The following ADK variants were observed in gnomAD, a reference collection of about 807,000 sequenced individuals.
ADK encodes the protein adenosine kinase.
Under a neutral mutation model 44.7 loss-of-function variants are expected in ADK, and 24 were observed. That is an observed-to-expected ratio of 0.54 (90% CI 0.39 to 0.76). The LOEUF (loss-of-function observed/expected upper bound fraction) is 0.76, where lower values mean the gene tolerates loss of function less well. Ranked by LOEUF, ADK falls within the 30% of genes least tolerant of loss-of-function variation. The pLI is 0.00. For synonymous variants in ADK, 128 were observed against 142.6 expected, an observed-to-expected ratio of 0.90 and a Z score of 0.73; for missense variants, 321 against 425.1, an observed-to-expected ratio of 0.76 and a Z score of 2.15.
intron 10 of ADK, among the ~76,000 whole-genome samples, chr10:74,673,426 A>G (rs1308074685): frequency 6.6e-6 from 1 of 152,258 alleles, no homozygotes; most frequent in African/African-American, 2.4e-5. Flanking sequence ...CTTTGGTGCC[A>G]GCAGGAGCGA....
At chr10:74,212,949 A>G (rs1000302441) in intron 2 of ADK, among the ~76,000 whole-genome samples, 6 of 152,188 alleles carry the variant, frequency 3.9e-5, no homozygotes, top group African/African-American at 7.2e-5. Flanking sequence ...TGATGGTGGT[A>G]TTTACAAATG....
Position 74,529,138 on chromosome 10 carries a change from A to C in ADK, c.726+3712A>C, listed in dbSNP as rs568246863. On this transcript the variant is annotated intron_variant, in intron 7 of 10. Coordinates refer to ENST00000539909, the MANE Select transcript of ADK (RefSeq NM_006721.4). Reference sequence around the variant, plus strand: ...ATATTCATCAACAGATGAATAAACAAAATTTCATGTATATATACAATGGAG... The same window carrying C: ...ATATTCATCAACAGATGAATAAACACAATTTCATGTATATATACAATGGAG... Among the ~76,000 whole-genome samples, 10 of 152,318 alleles carry C rather than the reference A, an allele frequency of 6.6e-5. No individual in the cohort carries two copies. The East Asian group carries it at 1.9e-3, about 29-fold the overall frequency.
At chr10:74,314,321 T>G (rs1840545531) in intron 3 of ADK, among the ~76,000 whole-genome samples, 1 of 152,088 alleles carries the variant, frequency 6.6e-6, no homozygotes, top group African/African-American at 2.4e-5. Flanking sequence ...TAGTAACAAG[T>G]GATTCTGAGA....
intron 6 of ADK, among the ~76,000 whole-genome samples, chr10:74,446,323 A>T (rs769349571): frequency 2.0e-5 from 3 of 152,102 alleles, no homozygotes; most frequent in Non-Finnish European, 4.4e-5. Context: ...TTGGATTTCC[A>T]AGAGGGAGAT....
chr10:74,469,872 G>C lies in ADK; in HGVS notation c.556-55384G>C, dbSNP rs553093651. 5.1e-4 allele frequency among the ~76,000 whole-genome samples: 77 copies of C among 152,158 alleles called. No homozygotes were observed. The South Asian group carries it at 6.2e-3, about 12-fold the overall frequency. On this transcript the variant is annotated intron_variant, in intron 6 of 10. Transcript: ENST00000539909. ...CTATTTTAGATATTTCATGTAAGTA[G>C]GATCATGGTTTATGGCTGGCTTTTT...
intron 4 of ADK, chr10:74,372,333 G>T (rs1196299840): frequency 1.3e-6 from 1 of 750,760 alleles, no homozygotes; most frequent in East Asian, 2.5e-5. Flanking sequence ...AGACTGGAGT[G>T]CTGAGCCTGC....
chr10:74,323,862 T>A (rs546875739), intron 4 of ADK, among the ~76,000 whole-genome samples: 52 of 151,792 alleles, frequency 3.4e-4, no homozygotes, highest in African/African-American at 1.1e-3. Context: ...GAGCCACCGC[T>A]CCCGGCCCCA....
At chr10:74,664,854 G>T (rs1229552616) in intron 9 of ADK, among the ~76,000 whole-genome samples, 1 of 152,028 alleles carries the variant, frequency 6.6e-6, no homozygotes, top group Non-Finnish European at 1.5e-5. Flanking sequence ...AGAAAAAAAA[G>T]TAATATGTGA....
chr10:74,215,872 G>A (rs1843994295), intron 2 of ADK, among the ~76,000 whole-genome samples: 1 of 150,420 alleles, frequency 6.6e-6, no homozygotes, highest in Non-Finnish European at 1.5e-5. Flanking sequence ...TAACCAGGAT[G>A]GTCTCGATCT....
chr10:74,513,685 G>T (rs1478751422), intron 6 of ADK, among the ~76,000 whole-genome samples: 1 of 151,986 alleles, frequency 6.6e-6, no homozygotes, highest in Non-Finnish European at 1.5e-5. Context: ...AATCCATTCA[G>T]CTAGTATGTA....
chr10:74,288,383 C>T (rs890854427), intron 3 of ADK, among the ~76,000 whole-genome samples: 4 of 152,136 alleles, frequency 2.6e-5, no homozygotes, highest in Admixed American at 2.6e-4. Flanking sequence ...AGCGCAGTGG[C>T]TCATGCCTGT....
chr10:74,673,518 G>A (rs1855260086), intron 10 of ADK, among the ~76,000 whole-genome samples: 1 of 152,146 alleles, frequency 6.6e-6, no homozygotes. Flanking sequence ...AGCGCTTTTG[G>A]GCACTGGTAA....
intron 10 of ADK, among the ~76,000 whole-genome samples, chr10:74,674,707 C>T (rs1855318894): frequency 6.6e-6 from 1 of 152,128 alleles, no homozygotes; most frequent in Admixed American, 6.5e-5. Flanking sequence ...CATGGTGAAA[C>T]CCCATCTCTA....
At chr10:74,681,882 G>C (rs2134235825) in intron 10 of ADK, among the ~76,000 whole-genome samples, 1 of 150,932 alleles carries the variant, frequency 6.6e-6, no homozygotes, top group African/African-American at 2.4e-5. Context: ...TGTCAGTTAA[G>C]CTGTCTGTTA....
At chr10:74,256,629 A>G (rs921115561) in intron 3 of ADK, among the ~76,000 whole-genome samples, 1 of 152,184 alleles carries the variant, frequency 6.6e-6, no homozygotes, top group Non-Finnish European at 1.5e-5. Flanking sequence ...TCCATTTACC[A>G]TGATAACTGG....
At chr10:74,370,309 A>T (rs927449182) in intron 4 of ADK, among the ~76,000 whole-genome samples, 4 of 152,198 alleles carry the variant, frequency 2.6e-5, no homozygotes, top group Admixed American at 6.5e-5. Context: ...AACTAAAGGA[A>T]TTTATGTTCA....
chr10:74,170,538 C>T (rs575763802), intron 1 of ADK, among the ~76,000 whole-genome samples: 15 of 152,158 alleles, frequency 9.9e-5, no homozygotes, highest in African/African-American at 3.6e-4. Context: ...GTGGCTCACG[C>T]CTGTAATCCT....
chr10:74,478,033 T>C (rs1846923329), intron 6 of ADK, among the ~76,000 whole-genome samples: 1 of 152,190 alleles, frequency 6.6e-6, no homozygotes, highest in East Asian at 1.9e-4. Flanking sequence ...CTATCTTTCC[T>C]TGAGGAGGTA....
chr10:74,225,028 G>T (rs879838190), intron 3 of ADK, among the ~76,000 whole-genome samples: 2 of 152,202 alleles, frequency 1.3e-5, no homozygotes, highest in African/African-American at 2.4e-5. Context: ...TTTTGTTTCT[G>T]TCACTGGTTT....
Sources: gnomAD v4.1 joint callset for allele counts (sites outside exome capture counted in the v4.1 genomes callset) on GRCh38, gnomAD v4.1.1 for gene constraint, MANE v1.5 for transcripts, NCBI Gene and HGNC (gene_info 2026-07-23, HGNC 2026-07-21) for gene names.